CLSTN2: variants seen among roughly 807,000 people sequenced by gnomAD.
The protein encoded by CLSTN2 is calsyntenin 2.
A neutral mutation model predicts 101.2 loss-of-function variants in CLSTN2; 48 were observed. The observed-to-expected ratio is 0.47, with a 90% CI of 0.38 to 0.60. The LOEUF is 0.60. CLSTN2 is among the 20% of genes least tolerant of loss of function. CLSTN2 has a pLI of 0.00. For missense variants in CLSTN2, 1,160 were observed against 1,238.2 expected (o/e 0.94, Z 0.95); for synonymous variants, 481 against 463.6 (o/e 1.04, Z -0.48).
chr3:140,357,497 G>A (rs770349114), intron 2 of CLSTN2, among the ~76,000 whole-genome samples: 17 of 152,052 alleles, frequency 1.1e-4, no homozygotes, highest in Non-Finnish European at 2.2e-4. Context: ...ATGCGCAGAT[G>A]TGGGGTGGGG....
intron 9 of CLSTN2, among the ~76,000 whole-genome samples, chr3:140,534,811 G>A (rs905531850): frequency 2.6e-5 from 4 of 152,190 alleles, no homozygotes; most frequent in Admixed American, 2.0e-4. Context: ...TGAAAATATT[G>A]TATTAACATT....
In CLSTN2 at chr3:140,574,632, T is replaced by C. The variant is rs1012176983; in HGVS notation, c.*8379T>C. 7.2e-5 allele frequency: 11 copies of C among 152,148 alleles called. No individual in the cohort carries two copies. Among genetic ancestry groups the C allele is most frequent in the African/African-American group, 1.7e-4 (7 of 41,442 alleles). The allele number at this position is 152,148 out of a possible 1,614,324, so 9.4% of individuals were successfully genotyped here. ...GTATTAATCACAGACAACAGAAACG[T>C]GTTAGCTTTAATGTCTGTTTGCTTT... On this transcript the variant is annotated 3_prime_UTR_variant, in exon 17 of 17. Transcript: ENST00000458420.
intron 2 of CLSTN2, among the ~76,000 whole-genome samples, chr3:140,339,309 T>TTCTC (rs111720072): frequency 6.7e-6 from 1 of 149,916 alleles, no homozygotes; most frequent in Non-Finnish European, 1.5e-5. Flanking sequence ...AGCAGACTGA[T>TTCTC]TCTCTCTCTC....
At chr3:140,041,771 A>G (rs1242610331) in intron 1 of CLSTN2, among the ~76,000 whole-genome samples, 1 of 152,024 alleles carries the variant, frequency 6.6e-6, no homozygotes, top group East Asian at 1.9e-4. Context: ...GCTTCTCTCA[A>G]CCCATCAGGC....
At chr3:140,472,389 C>T (rs1458015311) in intron 8 of CLSTN2, among the ~76,000 whole-genome samples, 1 of 152,184 alleles carries the variant, frequency 6.6e-6, no homozygotes. Flanking sequence ...AGTCAGTTTA[C>T]TTGCATCTGC....
At chr3:140,484,396 A>AT (rs1934194404) in intron 8 of CLSTN2, among the ~76,000 whole-genome samples, 1 of 151,518 alleles carries the variant, frequency 6.6e-6, no homozygotes, top group Non-Finnish European at 1.5e-5. Context: ...TGCCCTTAAC[A>AT]TTTTTTCCTT....
intron 2 of CLSTN2, among the ~76,000 whole-genome samples, chr3:140,218,781 AT>A (rs2086234709): frequency 6.6e-6 from 1 of 152,198 alleles, no homozygotes; most frequent in Admixed American, 6.5e-5. Flanking sequence ...TTGGGACACA[AT>A]TTGTTGAGGG....
intron 8 of CLSTN2, among the ~76,000 whole-genome samples, chr3:140,469,474 T>C (rs1029921069): frequency 5.3e-5 from 8 of 152,300 alleles, no homozygotes; most frequent in Admixed American, 1.3e-4. Flanking sequence ...CAGAAGTTTC[T>C]TGGGTGTAAA....
rs144689816 is a variant in CLSTN2, at chr3:139,947,848, A to ATT, written c.109+12374_109+12375dup. Among the ~76,000 whole-genome samples the ATT allele has an allele frequency of 5.5e-3, 819 of 149,710 alleles. 7 individuals are homozygous for ATT. Among genetic ancestry groups the ATT allele is most frequent in the African/African-American group, 0.016 (635 of 40,766 alleles). Reference sequence around the variant, plus strand: ...AATAAAGCATTTTTATTGCACTTGCATTTTTTTTTTCCTTTTTTAACAACT... The same window carrying ATT: ...AATAAAGCATTTTTATTGCACTTGCATTTTTTTTTTTTCCTTTTTTAACAACT... On this transcript the variant is annotated intron_variant, in intron 1 of 16. Coordinates refer to ENST00000458420, the MANE Select transcript of CLSTN2 (RefSeq NM_022131.3).
intron 1 of CLSTN2, among the ~76,000 whole-genome samples, chr3:140,090,473 A>G (rs1457072106): frequency 1.3e-5 from 2 of 152,094 alleles, no homozygotes; most frequent in African/African-American, 4.8e-5. Flanking sequence ...AATCTGCTAC[A>G]TTGAAGATCA....
At position 140,254,298 on chromosome 3, in the gene CLSTN2, G is replaced by A. The variant is rs141833842; in HGVS notation, c.232+78225G>A. Among the ~76,000 whole-genome samples the A allele has an allele frequency of 1.1e-4, 17 of 152,226 alleles. 1 individual carries two copies. The East Asian group carries it at 3.3e-3, about 29-fold the overall frequency. ...TTCTGCACCAGAGAAAGTACTTTTA[G>A]GAGAGTTTCCCAAACAAATTTATAA... On this transcript the variant is annotated intron_variant, in intron 2 of 16. Coordinates refer to ENST00000458420, the MANE Select transcript of CLSTN2 (RefSeq NM_022131.3).
At position 140,345,253 on chromosome 3, in the gene CLSTN2, CT is replaced by C. The variant is rs771722704; in HGVS notation, c.233-58364del. Among the ~76,000 whole-genome samples, 69 of 142,756 alleles carry C rather than the reference CT, an allele frequency of 4.8e-4. 1 individual carries two copies. Among genetic ancestry groups the C allele is most frequent in the Admixed American group, 7.1e-4 (10 of 14,062 alleles). The allele number at this position is 142,756 out of a possible 152,430, so 93.7% of individuals were successfully genotyped here. On this transcript the variant is annotated intron_variant, in intron 2 of 16. Coordinates refer to ENST00000458420, the MANE Select transcript of CLSTN2 (RefSeq NM_022131.3). ...CATTGAGTGGATATAGCCTTTTTTT[CT>C]TTTTTTTTTTTGAGACAGAGTTTCA... is the stretch of plus-strand genomic sequence containing the variant.
chr3:140,003,626 T>C (rs1269876565), intron 1 of CLSTN2, among the ~76,000 whole-genome samples: 1 of 152,166 alleles, frequency 6.6e-6, no homozygotes, highest in East Asian at 1.9e-4. Flanking sequence ...GAGGAAAGGC[T>C]GTTTTTTTTT....
intron 6 of CLSTN2, among the ~76,000 whole-genome samples, chr3:140,458,094 T>C (rs1391580619): frequency 6.6e-6 from 1 of 152,166 alleles, no homozygotes; most frequent in Non-Finnish European, 1.5e-5. Context: ...GTTGAACATT[T>C]TCAAACAAGT....
chr3:140,519,942 T>C (rs948474581), intron 8 of CLSTN2, among the ~76,000 whole-genome samples: 14 of 151,990 alleles, frequency 9.2e-5, no homozygotes, highest in African/African-American at 3.1e-4. Flanking sequence ...TAGTGGCTGG[T>C]AATGGTTTTT....
At chr3:140,093,332 G>A (rs1333838660) in intron 1 of CLSTN2, among the ~76,000 whole-genome samples, 2 of 152,086 alleles carry the variant, frequency 1.3e-5, no homozygotes, top group Non-Finnish European at 1.5e-5. Context: ...AGATGGCTCA[G>A]CAATGATCTG....
intron 1 of CLSTN2, among the ~76,000 whole-genome samples, chr3:140,163,419 TAC>T (rs60464575): frequency 3.3e-3 from 477 of 143,912 alleles, no homozygotes; most frequent in Admixed American, 4.1e-3. Context: ...TTTCTATCTC[TAC>T]ACACACACAC....
chr3:140,283,766 C>A (rs190936885), intron 2 of CLSTN2, among the ~76,000 whole-genome samples: 1 of 152,160 alleles, frequency 6.6e-6, no homozygotes, highest in African/African-American at 2.4e-5. Flanking sequence ...TTATTTAATG[C>A]ACTCTTTTTT....
At chr3:139,968,853 T>C (rs1935647298) in intron 1 of CLSTN2, among the ~76,000 whole-genome samples, 1 of 152,238 alleles carries the variant, frequency 6.6e-6, no homozygotes, top group South Asian at 2.1e-4. Context: ...AAATTCATAT[T>C]GCTAAGTCGG....
Sources: gnomAD v4.1 joint callset for allele counts (sites outside exome capture counted in the v4.1 genomes callset) on GRCh38, gnomAD v4.1.1 for gene constraint, MANE v1.5 for transcripts, NCBI Gene and HGNC (gene_info 2026-07-23, HGNC 2026-07-21) for gene names.